Variants in PSME4 observed in about 807,000 individuals in gnomAD.
PSME4 encodes proteasome activator complex subunit 4.
Under a neutral mutation model 253.9 loss-of-function variants are expected in PSME4, and 89 were observed. The observed-to-expected ratio is 0.35, with a 90% CI of 0.30 to 0.42. The LOEUF is 0.42. Ranked by LOEUF, PSME4 falls within the 10% of genes least tolerant of loss-of-function variation. The pLI is 1.00. For missense variants in PSME4, 2,014 were observed against 2,195.2 expected, an observed-to-expected ratio of 0.92 and a Z score of 1.65; for synonymous variants, 851 against 759.2, an observed-to-expected ratio of 1.12 and a Z score of -1.99.
intron 16 of PSME4, 135 bp from the exon 17 acceptor site, chr2:53,922,719 T>A: frequency 2.6e-6 from 3 of 1,143,654 alleles, no homozygotes; most frequent in Non-Finnish European, 3.6e-6. Flanking sequence ...TTCTTCTTCA[T>A]GAAGCTGAGC....
chr2:53,889,096 C>T (rs1044277755), intron 37 of PSME4, among the ~76,000 whole-genome samples: 1 of 152,024 alleles, frequency 6.6e-6, no homozygotes, highest in Admixed American at 6.6e-5. Flanking sequence ...AACTCCTGGC[C>T]CCAAGCTATC....
intron 12 of PSME4, among the ~76,000 whole-genome samples, chr2:53,927,003 G>T (rs1235137784): frequency 2.0e-5 from 3 of 151,316 alleles, no homozygotes; most frequent in Admixed American, 1.3e-4. Context: ...AAGAAAGAAA[G>T]AAGTTTTGAA....
chr2:53,939,154 G>A (rs537259029), intron 4 of PSME4, among the ~76,000 whole-genome samples: 23 of 152,234 alleles, frequency 1.5e-4, no homozygotes, highest in African/African-American at 5.3e-4. Flanking sequence ...CTCATATTCC[G>A]AAAATACATT....
Position 53,964,325 on chromosome 2 carries a change from G to A in PSME4, c.242+6218C>T, listed in dbSNP as rs148672308. On this transcript the variant is annotated intron_variant, in intron 1 of 46. Coordinates refer to ENST00000404125, the MANE Select transcript of PSME4 (RefSeq NM_014614.3). ...TGCTGTGAACCTAAAATTGCTCTCA[G>A]AAATAAAATTTTTGAAAAAATCAAA... 8.0e-3 allele frequency among the ~76,000 whole-genome samples: 1,224 copies of A among 152,228 alleles called. 21 individuals are homozygous for A. Among genetic ancestry groups the A allele is most frequent in the African/African-American group, 0.028 (1,158 of 41,550 alleles).
chr2:53,942,391 G>T (rs560200631), intron 3 of PSME4, among the ~76,000 whole-genome samples: 15 of 151,608 alleles, frequency 9.9e-5, no homozygotes, highest in African/African-American at 3.4e-4. Context: ...AATCAAAAGG[G>T]ATCTACAGAG....
chr2:53,950,100 C>G (rs1669905794), intron 1 of PSME4, among the ~76,000 whole-genome samples: 1 of 152,020 alleles, frequency 6.6e-6, no homozygotes, highest in African/African-American at 2.4e-5. Flanking sequence ...CGTAGCAAAA[C>G]CCAGTCTCTA....
At chr2:53,964,566 T>A (rs1051024501) in intron 1 of PSME4, among the ~76,000 whole-genome samples, 1 of 152,236 alleles carries the variant, frequency 6.6e-6, no homozygotes, top group Non-Finnish European at 1.5e-5. Context: ...TGGTAACTTG[T>A]CAAGATTTCA....
chr2:53,966,973 C>T (rs922913168), intron 1 of PSME4, among the ~76,000 whole-genome samples: 3 of 152,172 alleles, frequency 2.0e-5, no homozygotes, highest in Non-Finnish European at 4.4e-5. Context: ...GCTGGGATTA[C>T]AGGCATAACA....
At chr2:53,879,901 A>C (rs1277937589) in intron 41 of PSME4, among the ~76,000 whole-genome samples, 1 of 152,060 alleles carries the variant, frequency 6.6e-6, no homozygotes, top group African/African-American at 2.4e-5. Context: ...TATCCCTGGC[A>C]TGTGACCAAA....
rs1670260003 is a variant in PSME4 at position 53,956,847 on chromosome 2, GTATTATCT to G, written c.243-7572_243-7565del. On this transcript the variant is annotated intron_variant, in intron 1 of 46. Transcript: ENST00000404125. The stretch of plus-strand genomic sequence containing the variant: ...ATAATCAATATTTCTGCATTTCTGT[GTATTATCT>G]TAATTTAAATGTCCCTTATCAAAGG... 2.0e-5 allele frequency among the ~76,000 whole-genome samples: 3 copies of G among 152,202 alleles called. No individual in the cohort carries two copies. In the South Asian group the frequency reaches 6.2e-4, roughly 32 times the overall value.
intron 41 of PSME4, among the ~76,000 whole-genome samples, chr2:53,880,351 A>C (rs951066063): frequency 6.6e-6 from 1 of 152,098 alleles, no homozygotes; most frequent in African/African-American, 2.4e-5. Flanking sequence ...TTCCAGCTAC[A>C]CAAGAGACTG....
chr2:53,956,670 T>C (rs1427504112), intron 1 of PSME4, among the ~76,000 whole-genome samples: 2 of 151,816 alleles, frequency 1.3e-5, no homozygotes, highest in Non-Finnish European at 2.9e-5. Flanking sequence ...CCTCCCAAGT[T>C]TAAGCGATTC....
intron 29 of PSME4, among the ~76,000 whole-genome samples, chr2:53,899,586 G>A (rs992936386): frequency 6.6e-6 from 1 of 151,890 alleles, no homozygotes; most frequent in Non-Finnish European, 1.5e-5. Flanking sequence ...GGGAGCCCGA[G>A]GTGGGCAGAT....
At chr2:53,932,442 AT>A (rs1668875344) in intron 9 of PSME4, among the ~76,000 whole-genome samples, 1 of 152,076 alleles carries the variant, frequency 6.6e-6, no homozygotes, top group African/African-American at 2.4e-5. Context: ...TTTTGTTACC[AT>A]TTTTTTGCAA....
intron 16 of PSME4, 121 bp from the exon 17 acceptor site, chr2:53,922,705 T>C: frequency 8.3e-7 from 1 of 1,207,454 alleles, no homozygotes; most frequent in Non-Finnish European, 1.1e-6. Context: ...GGAAGACTTT[T>C]TATTTCTTCT....
intron 3 of PSME4, among the ~76,000 whole-genome samples, chr2:53,942,480 G>C (rs1669496870): frequency 1.3e-5 from 2 of 151,928 alleles, no homozygotes; most frequent in Non-Finnish European, 2.9e-5. Flanking sequence ...GAAAGCCACA[G>C]TAGTGCATAT....
At position 53,869,485 on chromosome 2, in the gene PSME4, A is replaced by G; in HGVS notation, c.5154T>C (p.Leu1718=). The change falls in exon 44 of 47, where the codon CTT becomes CTC. Residue 1718 remains leucine, a synonymous_variant. Coordinates refer to ENST00000404125, the MANE Select transcript of PSME4 (RefSeq NM_014614.3). The part of the protein sequence containing the change: ...TLSGLLQCNF[L]TMDSPMQIHF... ...GAATCTGCATAGGACTGTCCATGGTAAGAAAGTTACACTGTAGCAGACCGC... is the reference window on the plus strand; with the variant it reads ...GAATCTGCATAGGACTGTCCATGGTGAGAAAGTTACACTGTAGCAGACCGC... The G allele has an allele frequency of 6.3e-7, 1 of 1,592,070 alleles. No homozygotes were observed. The highest frequency in any genetic ancestry group is 8.6e-7 in the Non-Finnish European group (1 of 1,164,538).
chr2:53,866,893 T>G lies in PSME4; in HGVS notation c.5264-13A>C. 1 of 1,610,394 alleles carries G rather than the reference T, an allele frequency of 6.2e-7. No homozygotes were observed. The highest frequency in any genetic ancestry group is 8.5e-7 in the Non-Finnish European group (1 of 1,178,522). On this transcript the variant is annotated splice_polypyrimidine_tract_variant and intron_variant, in intron 44 of 46. Transcript: ENST00000404125. ...CGTTTGACCAACTCTGCAAAGAGAA[T>G]AGCAACATTTGTGCAAATATATATA... is the stretch of plus-strand genomic sequence containing the variant.
At position 53,940,009 on chromosome 2, in the gene PSME4, G is replaced by A. The variant is rs1289740567; in HGVS notation, c.501-9C>T. On this transcript the variant is annotated splice_polypyrimidine_tract_variant and intron_variant, in intron 3 of 46. Coordinates refer to ENST00000404125, the MANE Select transcript of PSME4 (RefSeq NM_014614.3). ...GAATATTTTCTACAGAACTGGGGGG[G>A]GAAAGCCATTTGATAATTAGATTGG... 4.5e-6 allele frequency: 7 copies of A among 1,560,914 alleles called. No individual in the cohort carries two copies. The highest frequency in any genetic ancestry group is 1.4e-5 in the African/African-American group (1 of 73,246).
Sources: allele counts gnomAD v4.1 joint callset (sites outside exome capture counted in the v4.1 genomes callset), GRCh38; gene constraint gnomAD v4.1.1; transcripts MANE v1.5; gene names NCBI Gene and HGNC (gene_info 2026-07-23, HGNC 2026-07-21).